Variants in ADGRB3 observed in about 807,000 individuals in gnomAD.
The protein encoded by ADGRB3 is brain-specific angiogenesis inhibitor 3.
Under a neutral mutation model 193.4 loss-of-function variants are expected in ADGRB3, and 37 were observed. The observed-to-expected ratio is 0.19, with a 90% CI of 0.15 to 0.25. ADGRB3 has a LOEUF of 0.25. Among genes scored for constraint, ADGRB3 ranks in the 10% least tolerant of loss-of-function variants. ADGRB3 has a pLI of 1.00. For missense variants in ADGRB3, 1,637 were observed against 1,852.9 expected (o/e 0.88, Z 2.14); for synonymous variants, 690 against 644.2 (o/e 1.07, Z -1.08).
At chr6:69,118,885 C>T (rs1241294915) in intron 17 of ADGRB3, among the ~76,000 whole-genome samples, 1 of 151,978 alleles carries the variant, frequency 6.6e-6, no homozygotes, top group African/African-American at 2.4e-5. Flanking sequence ...AGCAAAATTA[C>T]TCTTTGGTAA....
chr6:68,915,820 G>C (rs1170531489), intron 3 of ADGRB3, among the ~76,000 whole-genome samples: 2 of 152,070 alleles, frequency 1.3e-5, no homozygotes, highest in Non-Finnish European at 2.9e-5. Flanking sequence ...TACCGCACAG[G>C]TGTATGGTGT....
At chr6:69,182,711 C>T (rs1366905344) in intron 17 of ADGRB3, among the ~76,000 whole-genome samples, 2 of 151,984 alleles carry the variant, frequency 1.3e-5, no homozygotes, top group Admixed American at 6.6e-5. Context: ...TTGGATATAA[C>T]GATTGGTAAG....
chr6:69,180,551 TAG>T (rs1775551687), intron 17 of ADGRB3, among the ~76,000 whole-genome samples: 1 of 151,784 alleles, frequency 6.6e-6, no homozygotes, highest in African/African-American at 2.4e-5. Context: ...AGGAATGGAG[TAG>T]AGAGAGCCCT....
At chr6:69,022,548 C>T (rs1770299752) in intron 13 of ADGRB3, among the ~76,000 whole-genome samples, 1 of 151,874 alleles carries the variant, frequency 6.6e-6, no homozygotes, top group African/African-American at 2.4e-5. Flanking sequence ...ATTTGAAAAG[C>T]CTTCCAGAAA....
intron 3 of ADGRB3, among the ~76,000 whole-genome samples, chr6:68,748,030 T>C (rs1766119212): frequency 1.3e-5 from 2 of 152,128 alleles, no homozygotes; most frequent in Non-Finnish European, 2.9e-5. Context: ...ACTTATTCAC[T>C]ATCACGAGAA....
chr6:68,752,800 T>C (rs1475808636), intron 3 of ADGRB3, among the ~76,000 whole-genome samples: 2 of 152,288 alleles, frequency 1.3e-5, no homozygotes, highest in Admixed American at 6.5e-5. Context: ...GTTTGATTGA[T>C]AGAAAGTTTT....
In ADGRB3 at chr6:69,151,326, A is replaced by G. The variant is rs373434675; in HGVS notation, c.2480+75288A>G. On this transcript the variant is annotated intron_variant, in intron 17 of 31. Transcript: ENST00000370598. Reference sequence around the variant, plus strand: ...TCCCCTCCGGCCAGTGCTAATCTCAATGTTCCTTCTGTGGGCATCAGTTGA... The same window carrying G: ...TCCCCTCCGGCCAGTGCTAATCTCAGTGTTCCTTCTGTGGGCATCAGTTGA... 4.6e-5 allele frequency among the ~76,000 whole-genome samples: 7 copies of G among 152,200 alleles called. No homozygotes were observed. In the East Asian group the frequency reaches 1.2e-3, roughly 25 times the overall value.
chr6:69,124,342 T>A (rs1218696446), intron 17 of ADGRB3, among the ~76,000 whole-genome samples: 1 of 152,168 alleles, frequency 6.6e-6, no homozygotes, highest in Non-Finnish European at 1.5e-5. Context: ...TTTCTCTATT[T>A]CCCATGCCTC....
chr6:68,774,916 T>C (rs1766709071), intron 3 of ADGRB3, among the ~76,000 whole-genome samples: 1 of 152,200 alleles, frequency 6.6e-6, no homozygotes, highest in South Asian at 2.1e-4. Context: ...TACTGCTCTA[T>C]AAATATGCTT....
chr6:69,172,331 G>A (rs1775292073), intron 17 of ADGRB3, among the ~76,000 whole-genome samples: 1 of 152,056 alleles, frequency 6.6e-6, no homozygotes, highest in South Asian at 2.1e-4. Context: ...TCTCCTAGTG[G>A]AGGGAAAGAG....
chr6:68,978,214 T>A (rs990436372), intron 10 of ADGRB3, among the ~76,000 whole-genome samples: 7 of 151,466 alleles, frequency 4.6e-5, no homozygotes, highest in African/African-American at 1.7e-4. Context: ...ATTGTTTCAA[T>A]AAGAATAAAA....
At chr6:69,205,059 T>C (rs777594067) in intron 17 of ADGRB3, among the ~76,000 whole-genome samples, 1 of 152,204 alleles carries the variant, frequency 6.6e-6, no homozygotes, top group Non-Finnish European at 1.5e-5. Context: ...AAGTAAATGC[T>C]AAATAATTTG....
In ADGRB3 at chr6:68,797,641, C is replaced by T. The variant is rs117772667; in HGVS notation, c.758-132918C>T. Among the ~76,000 whole-genome samples the T allele has an allele frequency of 1.2e-4, 19 of 152,232 alleles. No individual in the cohort carries two copies. The East Asian group carries it at 3.7e-3, about 29-fold the overall frequency. On this transcript the variant is annotated intron_variant, in intron 3 of 31. Transcript: ENST00000370598. Reference sequence around the variant, plus strand: ...CTATTTAAGGAGCTAAATCACTGACCTTGAACTGAAGGCTTCCAGCTTCTG... The same window carrying T: ...CTATTTAAGGAGCTAAATCACTGACTTTGAACTGAAGGCTTCCAGCTTCTG...
At chr6:68,861,511 G>A (rs950280840) in intron 3 of ADGRB3, among the ~76,000 whole-genome samples, 1 of 152,004 alleles carries the variant, frequency 6.6e-6, no homozygotes, top group Non-Finnish European at 1.5e-5. Flanking sequence ...GCAGTGAGCC[G>A]AGATCGCGCC....
chr6:69,154,765 G>T (rs895813495), intron 17 of ADGRB3, among the ~76,000 whole-genome samples: 1 of 152,160 alleles, frequency 6.6e-6, no homozygotes, highest in Non-Finnish European at 1.5e-5. Flanking sequence ...CATAGTAGAT[G>T]CTGATTGTCT....
intron 3 of ADGRB3, among the ~76,000 whole-genome samples, chr6:68,894,193 T>G (rs946994469): frequency 4.5e-4 from 68 of 151,940 alleles, no homozygotes; most frequent in Non-Finnish European, 1.5e-5. Context: ...GCACATGGTA[T>G]CTATTGAATT....
chr6:68,638,881 T>C lies in ADGRB3; in HGVS notation c.206T>C (p.Ile69Thr), dbSNP rs200112347. Reference sequence around the variant, plus strand: ...AATCCAGATCCAACCAAATATAGCATTTACCTGAAATTTTCCAAAAAGGAC... The same window carrying C: ...AATCCAGATCCAACCAAATATAGCACTTACCTGAAATTTTCCAAAAAGGAC... ...LENPDPTKYS[I>T]YLKFSKKDLS... is the part of the protein sequence containing the mutation. The change falls in exon 3 of 32, where the codon ATT becomes ACT. Residue 69 changes from isoleucine (I) to threonine (T), a missense_variant. This residue lies in a region of ADGRB3 where 365 missense variants were observed against 409.8 expected (regional missense o/e 0.89). Coordinates refer to ENST00000370598, the MANE Select transcript of ADGRB3 (RefSeq NM_001704.3). 10 of 1,614,020 alleles carry C rather than the reference T, an allele frequency of 6.2e-6. No individual in the cohort carries two copies. The highest frequency in any genetic ancestry group is 2.2e-5 in the East Asian group (1 of 44,876).
chr6:68,899,889 A>C (rs1445172864), intron 3 of ADGRB3, among the ~76,000 whole-genome samples: 1 of 152,146 alleles, frequency 6.6e-6, no homozygotes, highest in African/African-American at 2.4e-5. Flanking sequence ...ATTTTTAAAT[A>C]CATAAAGAAC....
chr6:68,975,384 G>A, intron 10 of ADGRB3, 44 bp downstream of exon 10: 1 of 1,458,028 alleles, frequency 6.9e-7, no homozygotes, highest in Non-Finnish European at 9.6e-7. Context: ...TTTATTTTTT[G>A]CTAATGATCA....
Sources: allele counts gnomAD v4.1 joint callset (sites outside exome capture counted in the v4.1 genomes callset), GRCh38; gene constraint gnomAD v4.1.1; regional missense constraint gnomAD v4.1.1; transcripts MANE v1.5; gene names NCBI Gene and HGNC (gene_info 2026-07-23, HGNC 2026-07-21).